AKAP6: variants seen among roughly 807,000 people sequenced by gnomAD.
AKAP6 encodes the protein A-kinase anchoring protein 6.
Under a neutral mutation model 188.5 loss-of-function variants are expected in AKAP6, and 58 were observed. The ratio of observed to expected loss-of-function variants is 0.31; its 90% CI spans 0.25 to 0.38. AKAP6 has a LOEUF of 0.38. Ranked by LOEUF, AKAP6 falls within the 10% of genes least tolerant of loss-of-function variation. AKAP6 has a pLI of 1.00. For missense variants in AKAP6, 2,710 were observed against 2,740.0 expected, an observed-to-expected ratio of 0.99 and a Z score of 0.24; for synonymous variants, 989 against 998.6, an observed-to-expected ratio of 0.99 and a Z score of 0.18.
At chr14:32,374,447 C>T (rs755673450) in intron 1 of AKAP6, among the ~76,000 whole-genome samples, 1 of 152,094 alleles carries the variant, frequency 6.6e-6, no homozygotes, top group Non-Finnish European at 1.5e-5. Flanking sequence ...ATGACAAAGG[C>T]TTAGCCACAA....
At chr14:32,566,603 G>C in intron 4 of AKAP6, among the ~76,000 whole-genome samples, 1 of 152,062 alleles carries the variant, frequency 6.6e-6, no homozygotes, top group Middle Eastern at 3.4e-3. Context: ...AATTTTTTTT[G>C]AATAAACAAC....
intron 8 of AKAP6, among the ~76,000 whole-genome samples, chr14:32,686,180 C>T (rs1276372438): frequency 6.6e-6 from 1 of 151,544 alleles, no homozygotes; most frequent in Admixed American, 6.6e-5. Flanking sequence ...GTGAAATTCG[C>T]CAGGCACAAG....
At chr14:32,675,230 C>T (rs1212460859) in intron 7 of AKAP6, among the ~76,000 whole-genome samples, 1 of 152,268 alleles carries the variant, frequency 6.6e-6, no homozygotes, top group Middle Eastern at 3.4e-3. Context: ...ATTCCTACTC[C>T]TATTGATGGC....
intron 8 of AKAP6, among the ~76,000 whole-genome samples, chr14:32,689,222 A>G (rs1890061805): frequency 6.6e-6 from 1 of 152,120 alleles, no homozygotes; most frequent in African/African-American, 2.4e-5. Flanking sequence ...TGACTTCCTG[A>G]TAGTGTAACA....
At chr14:32,659,122 A>G (rs956000054) in intron 7 of AKAP6, among the ~76,000 whole-genome samples, 2 of 152,126 alleles carry the variant, frequency 1.3e-5, no homozygotes, top group South Asian at 4.1e-4. Context: ...TAAAGTGGAT[A>G]TGAGTGAACT....
At chr14:32,794,752 G>A (rs954566101) in intron 12 of AKAP6, among the ~76,000 whole-genome samples, 2 of 152,092 alleles carry the variant, frequency 1.3e-5, no homozygotes, top group African/African-American at 2.4e-5. Flanking sequence ...CGAAGAACAA[G>A]CAAACCGCAA....
chr14:32,387,561 G>T (rs973796912), intron 1 of AKAP6, among the ~76,000 whole-genome samples: 1 of 149,892 alleles, frequency 6.7e-6, no homozygotes, highest in Non-Finnish European at 1.5e-5. Flanking sequence ...AAGGGATGCT[G>T]GATTTTGTTT....
At chr14:32,600,909 ATC>A in intron 7 of AKAP6, 117 bp downstream of exon 7, 1 of 843,200 alleles carries the variant, frequency 1.2e-6, no homozygotes, top group Non-Finnish European at 1.7e-6. Flanking sequence ...TAAACTTTAT[ATC>A]TCTCTCTATA....
intron 12 of AKAP6, among the ~76,000 whole-genome samples, chr14:32,788,883 C>T (rs1314450753): frequency 2.6e-5 from 4 of 152,334 alleles, no homozygotes; most frequent in South Asian, 4.1e-4. Flanking sequence ...GCGGGCCCCA[C>T]TTCCACGGCA....
At chr14:32,592,154 G>C (rs1194580718) in intron 5 of AKAP6, among the ~76,000 whole-genome samples, 1 of 152,120 alleles carries the variant, frequency 6.6e-6, no homozygotes, top group Non-Finnish European at 1.5e-5. Flanking sequence ...GAGGTTTTTT[G>C]TACAAATCTC....
intron 1 of AKAP6, among the ~76,000 whole-genome samples, chr14:32,360,237 C>T (rs903334804): frequency 3.3e-5 from 5 of 151,942 alleles, no homozygotes; most frequent in Non-Finnish European, 4.4e-5. Flanking sequence ...AAGCAATTCT[C>T]CTGCCTCAGC....
intron 11 of AKAP6, among the ~76,000 whole-genome samples, chr14:32,756,061 C>A (rs539873868): frequency 6.9e-4 from 105 of 152,184 alleles, no homozygotes; most frequent in Non-Finnish European, 1.2e-3. Context: ...GCCAGGCTGG[C>A]CTGCTACCTG....
intron 2 of AKAP6, among the ~76,000 whole-genome samples, chr14:32,519,045 A>G (rs1456857919): frequency 6.6e-6 from 1 of 151,946 alleles, no homozygotes; most frequent in Non-Finnish European, 1.5e-5. Context: ...AATATTCAAC[A>G]TCTTAAAGAA....
intron 7 of AKAP6, among the ~76,000 whole-genome samples, chr14:32,610,605 G>A (rs986435433): frequency 1.3e-5 from 2 of 152,144 alleles, no homozygotes; most frequent in South Asian, 2.1e-4. Flanking sequence ...GAGAGGGAAC[G>A]TTATTTCAAT....
intron 9 of AKAP6, among the ~76,000 whole-genome samples, chr14:32,711,848 A>G (rs1247874376): frequency 6.6e-6 from 1 of 151,986 alleles, no homozygotes; most frequent in Admixed American, 6.6e-5. Flanking sequence ...CCCCTCGGGC[A>G]ATTATTCTTA....
chr14:32,431,875 G>A (rs906183591), intron 1 of AKAP6, among the ~76,000 whole-genome samples: 1 of 152,148 alleles, frequency 6.6e-6, no homozygotes, highest in Non-Finnish European at 1.5e-5. Context: ...GGATTACACT[G>A]CAGTATTGGA....
intron 12 of AKAP6, among the ~76,000 whole-genome samples, chr14:32,783,710 C>T (rs996216375): frequency 3.9e-5 from 6 of 152,032 alleles, no homozygotes; most frequent in South Asian, 4.1e-4. Context: ...ATATAATTTA[C>T]GTGCCATTAT....
At chr14:32,388,327 G>T (rs907177366) in intron 1 of AKAP6, among the ~76,000 whole-genome samples, 2 of 151,432 alleles carry the variant, frequency 1.3e-5, no homozygotes, top group Admixed American at 6.6e-5. Flanking sequence ...TTGTATTTTT[G>T]TTGTTGTTGT....
At chr14:32,673,060 A>G (rs369457824) in intron 7 of AKAP6, among the ~76,000 whole-genome samples, 5 of 152,248 alleles carry the variant, frequency 3.3e-5, no homozygotes, top group South Asian at 4.1e-4. Context: ...AGCTCCAGCC[A>G]CCATTCTCTG....
Sources: allele counts gnomAD v4.1 joint callset (sites outside exome capture counted in the v4.1 genomes callset), GRCh38; gene constraint gnomAD v4.1.1; transcripts MANE v1.5; gene names NCBI Gene and HGNC (gene_info 2026-07-23, HGNC 2026-07-21).